The following NDEL1 variants were observed in gnomAD, a reference collection of about 807,000 sequenced individuals.
NDEL1 encodes the protein nuclear distribution protein nudE-like 1.
A neutral mutation model predicts 45.7 loss-of-function variants in NDEL1; 9 were observed. The ratio of observed to expected loss-of-function variants is 0.20; its 90% CI spans 0.12 to 0.34. The LOEUF (loss-of-function observed/expected upper bound fraction) is 0.34. Ranked by LOEUF, NDEL1 falls within the 10% of genes least tolerant of loss-of-function variation. The probability of loss-of-function intolerance (pLI) is 1.00; values close to 1 mark genes in which losing one functional copy is unlikely to be tolerated. For synonymous variants in NDEL1, 133 were observed against 158.6 expected (o/e 0.84, Z 1.21); for missense variants, 306 against 406.2 (o/e 0.75, Z 2.12).
At chr17:8,458,488 A>G (rs938790429) in intron 7 of NDEL1, among the ~76,000 whole-genome samples, 2 of 152,006 alleles carry the variant, frequency 1.3e-5, no homozygotes, top group African/African-American at 4.8e-5. Flanking sequence ...ATAGATACTC[A>G]ATATGGATTT....
chr17:8,463,954 G>C (rs889944059), intron 8 of NDEL1, among the ~76,000 whole-genome samples: 6 of 152,230 alleles, frequency 3.9e-5, no homozygotes, highest in African/African-American at 1.4e-4. Context: ...AGACTCAGGT[G>C]TGGCGTGTGC....
intron 5 of NDEL1, among the ~76,000 whole-genome samples, chr17:8,450,060 A>T (rs1597542357): frequency 6.6e-6 from 1 of 152,018 alleles, no homozygotes; most frequent in Admixed American, 6.6e-5. Context: ...AGGCGGGTGG[A>T]TCATTTGAGG....
chr17:8,472,886 C>T (rs1597568912), downstream of NDEL1, among the ~76,000 whole-genome samples: 1 of 152,308 alleles, frequency 6.6e-6, no homozygotes, highest in South Asian at 2.1e-4. Context: ...CTGAGTTCCT[C>T]CTCACCGGGA....
At chr17:8,417,781 TGTA>T (rs1203838354) in intron 1 of NDEL1, among the ~76,000 whole-genome samples, 1 of 152,218 alleles carries the variant, frequency 6.6e-6, no homozygotes, top group Admixed American at 6.5e-5. Context: ...CTTCCCTTTA[TGTA>T]GTGACTTAAC....
At position 8,439,099 on chromosome 17, in the gene NDEL1, G is replaced by A. The variant is rs796302066; in HGVS notation, c.-13+3054G>A. 8.9e-4 allele frequency among the ~76,000 whole-genome samples: 132 copies of A among 148,760 alleles called. 1 individual carries two copies. The highest frequency in any genetic ancestry group is 3.1e-3 in the African/African-American group (125 of 40,178). On this transcript the variant is annotated intron_variant, in intron 1 of 8. Transcript: ENST00000334527. The stretch of plus-strand genomic sequence containing the variant: ...TGGGACTGCAGGTGCCCACCACCAC[G>A]CCCAGCTAGTTTTTTGTGTTTTTAG...
downstream of NDEL1, among the ~76,000 whole-genome samples, chr17:8,471,147 T>G (rs146834003): frequency 2.8e-3 from 433 of 152,262 alleles, 1 homozygote; most frequent in African/African-American, 0.01. Context: ...TCTGCAAGTT[T>G]TTTGTTGTTG....
At chr17:8,436,127 G>A (rs1909317762) in intron 1 of NDEL1, 82 bp downstream of exon 1, 1 of 274,310 alleles carries the variant, frequency 3.6e-6, no homozygotes, top group Admixed American at 6.0e-5. Flanking sequence ...GAGCCTTCCC[G>A]GCCCGGGGCC....
At chr17:8,464,776 C>G (rs1911465861) in intron 8 of NDEL1, 1 of 152,462 alleles carries the variant, frequency 6.6e-6, no homozygotes, top group Admixed American at 6.5e-5. Flanking sequence ...CTGGAGGCAG[C>G]TGTGGCCCCG....
chr17:8,439,519 G>C (rs1317531559), intron 1 of NDEL1, among the ~76,000 whole-genome samples: 1 of 151,828 alleles, frequency 6.6e-6, no homozygotes, highest in East Asian at 1.9e-4. Context: ...CTCCCAAAGT[G>C]CTAGGATTAT....
upstream of NDEL1, among the ~76,000 whole-genome samples, chr17:8,430,871 G>A (rs1908983047): frequency 6.6e-6 from 1 of 152,210 alleles, no homozygotes; most frequent in South Asian, 2.1e-4. Context: ...GGTTGCTGAT[G>A]GTTAATTGCC....
At chr17:8,414,274 A>C (rs1567717544) in intron 1 of NDEL1, among the ~76,000 whole-genome samples, 1 of 152,256 alleles carries the variant, frequency 6.6e-6, no homozygotes, top group African/African-American at 2.4e-5. Context: ...ATCTTTGCAT[A>C]CTATTATTTC....
intron 1 of NDEL1, among the ~76,000 whole-genome samples, chr17:8,418,418 G>A (rs1908604685): frequency 6.6e-6 from 1 of 152,032 alleles, no homozygotes. Context: ...AATCTGATAA[G>A]CAAAAAGCAA....
At chr17:8,449,027 G>A (rs1303440048) in intron 5 of NDEL1, among the ~76,000 whole-genome samples, 1 of 152,210 alleles carries the variant, frequency 6.6e-6, no homozygotes, top group Admixed American at 6.5e-5. Flanking sequence ...CTTTCACCCA[G>A]GCTGGAGTGC....
chr17:8,436,427 C>T (rs1909344277), intron 1 of NDEL1: 1 of 154,086 alleles, frequency 6.5e-6, no homozygotes, highest in South Asian at 1.8e-4. Context: ...CCCGCCTCCT[C>T]CTACCCCCTC....
At position 8,460,037 on chromosome 17, in the gene NDEL1, G is replaced by A. The variant is rs1460340771; in HGVS notation, c.821G>A (p.Arg274Lys). The A allele has an allele frequency of 1.2e-6, 2 of 1,613,574 alleles. No homozygotes were observed. Among genetic ancestry groups the A allele is most frequent in the East Asian group, 2.2e-5 (1 of 44,874 alleles). Residue 274 changes from arginine to lysine, a missense_variant, in exon 8 of 9, where the codon AGG (arginine) becomes AAG (lysine). Around this residue, in one of 3 missense-constraint regions of NDEL1, gnomAD observed 175 missense variants for 205.2 expected, o/e 0.85. Transcript: ENST00000334527. Reference sequence around the variant, plus strand: ...TTAGAATCCAAATTAGCAGCTTGCAGGAATTTTGCAAAGGACCAAGCATCA... The same window carrying A: ...TTAGAATCCAAATTAGCAGCTTGCAAGAATTTTGCAAAGGACCAAGCATCA... ...GALESKLAAC[R>K]NFAKDQASRK... is the part of the protein sequence containing the mutation.
chr17:8,439,004 C>T (rs1382220926), intron 1 of NDEL1, among the ~76,000 whole-genome samples: 3 of 149,542 alleles, frequency 2.0e-5, no homozygotes, highest in South Asian at 2.1e-4. Flanking sequence ...TGCGGTCGCG[C>T]GCTCTCGGCT....
chr17:8,424,577 C>T (rs1908780942), intron 1 of NDEL1, among the ~76,000 whole-genome samples: 1 of 152,238 alleles, frequency 6.6e-6, no homozygotes, highest in Non-Finnish European at 1.5e-5. Context: ...TCTCAGCTCA[C>T]AGGAAGCACC....
At chr17:8,428,357 TG>T (rs1908898859) in intron 1 of NDEL1, among the ~76,000 whole-genome samples, 1 of 119,128 alleles carries the variant, frequency 8.4e-6, no homozygotes, top group Admixed American at 8.4e-5. Context: ...TGTGTGTGTG[TG>T]TGTATTTTTT....
At chr17:8,446,530 A>G (rs1910088548) in intron 3 of NDEL1, among the ~76,000 whole-genome samples, 1 of 152,178 alleles carries the variant, frequency 6.6e-6, no homozygotes, top group African/African-American at 2.4e-5. Flanking sequence ...TTCTTTTCAG[A>G]GAGATTGTTA....
Sources: gnomAD v4.1 joint callset for allele counts (sites outside exome capture counted in the v4.1 genomes callset) on GRCh38, gnomAD v4.1.1 for gene constraint, gnomAD v4.1.1 regional missense constraint, MANE v1.5 for transcripts, NCBI Gene and HGNC (gene_info 2026-07-23, HGNC 2026-07-21) for gene names.